The following LOXHD1 variants were observed in gnomAD, a reference collection of about 807,000 sequenced individuals.
LOXHD1 encodes lipoxygenase homology PLAT domains 1.
In LOXHD1, 205 loss-of-function variants were observed where a neutral mutation model predicts 248.2. The observed-to-expected ratio is 0.83, with a 90% CI of 0.74 to 0.93. LOXHD1 has a LOEUF of 0.93. Ranked by LOEUF, LOXHD1 falls within the 40% of genes least tolerant of loss-of-function variation. The probability of loss-of-function intolerance (pLI) is 0.00; values close to 1 mark genes in which losing one functional copy is unlikely to be tolerated. For synonymous variants in LOXHD1, 1,113 were observed against 1,162.8 expected (o/e 0.96, Z 0.87); for missense variants, 2,930 against 2,971.6 (o/e 0.99, Z 0.33).
intron 25 of LOXHD1, 110 bp downstream of exon 25, chr18:46,541,666 C>T (rs2036564170): frequency 7.8e-7 from 1 of 1,280,368 alleles, no homozygotes; most frequent in East Asian, 2.5e-5. Flanking sequence ...CCAAAATCTT[C>T]AAGGTGGGCC....
chr18:46,637,772 G>A (rs1056275613), intron 4 of LOXHD1, among the ~76,000 whole-genome samples: 1 of 152,146 alleles, frequency 6.6e-6, no homozygotes, highest in Non-Finnish European at 1.5e-5. Flanking sequence ...TGGCAAGGGT[G>A]AGGGACATGG....
At chr18:46,513,028 T>G (rs566557663) in intron 34 of LOXHD1, among the ~76,000 whole-genome samples, 2 of 152,178 alleles carry the variant, frequency 1.3e-5, no homozygotes, top group South Asian at 4.2e-4. Context: ...CCAGGTGATA[T>G]GAAAGCATAG....
In LOXHD1 at chr18:46,559,533, A is replaced by T. The variant is rs537573239; in HGVS notation, c.3131T>A (p.Leu1044Gln). ...TCCATACTCCTCGCCGTAGATGGTT[A>T]GGTAGACGTTAGCATCAGTGCCGGC... ...PKAGTDANVY[L>Q]TIYGEEYGDT... Residue 1044 changes from leucine (L) to glutamine (Q), a missense_variant, in exon 20 of 41, where the codon CTA becomes CAA. By Grantham distance (113) the Leu-to-Gln change is moderately radical. Coordinates refer to ENST00000642948, the MANE Select transcript of LOXHD1 (RefSeq NM_001384474.1). 1 of 1,551,988 alleles carries T rather than the reference A, an allele frequency of 6.4e-7. No homozygotes were observed. Among genetic ancestry groups the T allele is most frequent in the African/African-American group, 1.4e-5 (1 of 73,156 alleles).
At position 46,481,272 on chromosome 18, in the gene LOXHD1, C is replaced by T. The variant is rs531438416; in HGVS notation, c.6341+2315G>A. Among the ~76,000 whole-genome samples, 17 of 152,218 alleles carry T rather than the reference C, an allele frequency of 1.1e-4. No individual in the cohort carries two copies. The East Asian group carries it at 1.5e-3, about 14-fold the overall frequency. ...ATGCCTGCAAAGTCCCCCTTCTGGA[C>T]GAAGGTGGTATTTCTGCAGGCGACA... On this transcript the variant is annotated intron_variant, in intron 40 of 40. Transcript: ENST00000642948.
chr18:46,483,660 G>T lies in LOXHD1; in HGVS notation c.6268C>A (p.Arg2090=), dbSNP rs569341831. 1.9e-6 allele frequency: 3 copies of T among 1,551,530 alleles called. No homozygotes were observed. The highest frequency in any genetic ancestry group is 1.7e-6 in the Non-Finnish European group (2 of 1,146,998). ...GCAAGTTCTCTCTTGGGGATAAACC[G>T]GTCTTCCCTGGCAAGGTGGCCCACA... ...LCVGHLARED[R]FIPKRELAWH... is the part of the protein sequence containing the mutation. Residue 2090 remains arginine, a synonymous_variant, in exon 40 of 41, where the codon CGG becomes AGG. Transcript: ENST00000642948.
chr18:46,519,676 G>C (rs189837111), intron 33 of LOXHD1, among the ~76,000 whole-genome samples: 86 of 152,308 alleles, frequency 5.6e-4, no homozygotes, highest in African/African-American at 1.9e-3. Flanking sequence ...TGATCAAAAT[G>C]AGTGCTTCAG....
chr18:46,569,445 T>G lies in LOXHD1; in HGVS notation c.2241A>C (p.Gly747=). Reference sequence around the variant, plus strand: ...TGGTCTTGGGAAGGAGACTTACATTTCCAATGTTCAGGGTCTCGAGGGTGA... The same window carrying G: ...TGGTCTTGGGAAGGAGACTTACATTGCCAATGTTCAGGGTCTCGAGGGTGA... ...DEFTLETLNI[G]NINRLVIGHD... The change falls in exon 16 of 41, where the codon GGA becomes GGC. Residue 747 remains glycine (G), a synonymous_variant. Coordinates refer to ENST00000642948, the MANE Select transcript of LOXHD1 (RefSeq NM_001384474.1). The G allele has an allele frequency of 6.4e-7, 1 of 1,551,558 alleles. No individual in the cohort carries two copies. The highest frequency in any genetic ancestry group is 1.2e-5 in the South Asian group (1 of 84,042).
intron 18 of LOXHD1, 22 bp from the exon 19 acceptor site, chr18:46,560,567 G>C (rs546034832): frequency 6.6e-7 from 1 of 1,506,108 alleles, no homozygotes; most frequent in South Asian, 1.3e-5. Flanking sequence ...GCAGGGCAGC[G>C]GCTGTCGTGG....
intron 12 of LOXHD1, among the ~76,000 whole-genome samples, chr18:46,586,224 G>A (rs1160890334): frequency 6.6e-6 from 1 of 152,196 alleles, no homozygotes; most frequent in Non-Finnish European, 1.5e-5. Flanking sequence ...AAGTAGATTA[G>A]TGGTTGTCAG....
chr18:46,583,001 C>A (rs2037991931), intron 12 of LOXHD1, among the ~76,000 whole-genome samples: 1 of 152,138 alleles, frequency 6.6e-6, no homozygotes, highest in African/African-American at 2.4e-5. Flanking sequence ...TAGTTTAAAA[C>A]CTGCCAGTAG....
intron 4 of LOXHD1, among the ~76,000 whole-genome samples, chr18:46,622,792 T>C (rs777687118): frequency 1.3e-5 from 2 of 152,216 alleles, no homozygotes; most frequent in Non-Finnish European, 2.9e-5. Flanking sequence ...GGCAGTCCAC[T>C]GATAGAAGAG....
intron 5 of LOXHD1, among the ~76,000 whole-genome samples, chr18:46,614,397 G>T (rs967541774): frequency 1.3e-5 from 2 of 151,900 alleles, no homozygotes; most frequent in Admixed American, 6.6e-5. Context: ...CCATAAAAAA[G>T]GATGAGTTCA....
At chr18:46,533,685 A>G in intron 27 of LOXHD1, 3 of 325,408 alleles carry the variant, frequency 9.2e-6, no homozygotes, top group South Asian at 5.1e-5. Context: ...GCACTTTGAG[A>G]GGCCAAGGCG....
chr18:46,540,475 C>T (rs1432762826), intron 25 of LOXHD1, among the ~76,000 whole-genome samples: 1 of 152,090 alleles, frequency 6.6e-6, no homozygotes, highest in Non-Finnish European at 1.5e-5. Flanking sequence ...TCTCCCTGAC[C>T]CAAGACTTGG....
intron 33 of LOXHD1, chr18:46,518,996 C>T (rs2035423351): frequency 3.0e-6 from 3 of 985,378 alleles, no homozygotes; most frequent in African/African-American, 3.5e-5. Flanking sequence ...AGAATGTCTG[C>T]CCTCTGTCTC....
chr18:46,653,868 T>C (rs1339726825), intron 1 of LOXHD1, among the ~76,000 whole-genome samples: 1 of 152,226 alleles, frequency 6.6e-6, no homozygotes, highest in Non-Finnish European at 1.5e-5. Context: ...ACTCTTAAAC[T>C]CATTGACCTA....
chr18:46,539,605 T>C (rs1389109157), intron 25 of LOXHD1, among the ~76,000 whole-genome samples: 3 of 152,226 alleles, frequency 2.0e-5, no homozygotes, highest in African/African-American at 7.2e-5. Flanking sequence ...GTTAGTTCAT[T>C]AGCAGGTTGT....
intron 40 of LOXHD1, among the ~76,000 whole-genome samples, chr18:46,479,769 A>AC (rs1415976501): frequency 1.3e-5 from 2 of 151,348 alleles, no homozygotes; most frequent in East Asian, 1.9e-4. Context: ...AACAGAAAAA[A>AC]AAAAAAACAA....
At chr18:46,541,202 C>G (rs1460269019) in intron 25 of LOXHD1, among the ~76,000 whole-genome samples, 2 of 152,152 alleles carry the variant, frequency 1.3e-5, no homozygotes, top group East Asian at 3.9e-4. Flanking sequence ...TTACTCCCTT[C>G]CCTTCTTCCC....
Sources: allele counts gnomAD v4.1 joint callset (sites outside exome capture counted in the v4.1 genomes callset), GRCh38; gene constraint gnomAD v4.1.1; transcripts MANE v1.5; gene names NCBI Gene and HGNC (gene_info 2026-07-23, HGNC 2026-07-21).